PTPRD: variants seen among roughly 807,000 people sequenced by gnomAD.
The protein encoded by PTPRD is receptor-type tyrosine-protein phosphatase delta.
In PTPRD, 34 loss-of-function variants were observed where a neutral mutation model predicts 214.5. That is an observed-to-expected ratio of 0.16 (90% confidence interval 0.12 to 0.21). The LOEUF is 0.21. Among genes scored for constraint, PTPRD ranks in the 10% least tolerant of loss-of-function variants. The pLI, the probability that PTPRD is intolerant of heterozygous loss-of-function variation, is 1.00. For missense variants in PTPRD, 2,545 were observed against 2,398.7 expected, an observed-to-expected ratio of 1.06 and a Z score of -1.27; for synonymous variants, 1,128 against 845.7, an observed-to-expected ratio of 1.33 and a Z score of -5.79.
chr9:9,382,981 A>G (rs146532462), intron 9 of PTPRD, among the ~76,000 whole-genome samples: 1 of 152,256 alleles, frequency 6.6e-6, no homozygotes, highest in Non-Finnish European at 1.5e-5. Context: ...GCCTTATAAA[A>G]GAAGAAAATC....
chr9:8,435,700 TACACACACACACAC>T (rs3043782), intron 35 of PTPRD, among the ~76,000 whole-genome samples: 1 of 148,876 alleles, frequency 6.7e-6, no homozygotes. Context: ...AATATCCAAA[TACACACACACACAC>T]ACACACACAC....
At chr9:9,324,574 G>C in intron 9 of PTPRD, among the ~76,000 whole-genome samples, 1 of 152,132 alleles carries the variant, frequency 6.6e-6, no homozygotes, top group Non-Finnish European at 1.5e-5. Flanking sequence ...TAAGTTATTT[G>C]TAGATTCTGG....
At chr9:9,811,095 G>A (rs1471349419) in intron 5 of PTPRD, among the ~76,000 whole-genome samples, 2 of 151,982 alleles carry the variant, frequency 1.3e-5, no homozygotes, top group African/African-American at 4.8e-5. Context: ...AAAATTAGCT[G>A]GGCATGGTGG....
intron 11 of PTPRD, among the ~76,000 whole-genome samples, chr9:8,838,761 G>C (rs1370792022): frequency 6.6e-6 from 1 of 151,998 alleles, no homozygotes; most frequent in African/African-American, 2.4e-5. Flanking sequence ...AATACTTTCA[G>C]ATACTTCACC....
rs567600026 is a variant in PTPRD at position 8,376,610 on chromosome 9, G to A, written c.4503C>T (p.Tyr1501=). The A allele has an allele frequency of 1.2e-6, 2 of 1,612,772 alleles. No homozygotes were observed. Among genetic ancestry groups the A allele is most frequent in the East Asian group, 2.2e-5 (1 of 44,832 alleles). ...ATYCVRTFAL[Y]KNGSSEKREV... is the part of the protein sequence containing the mutation. ...GAGAAAAAGATGAAAAGCAAACCTT[G>A]TAAAGTGCAAATGTTCGAACACAAT... Residue 1501 remains tyrosine (Y), a synonymous_variant, in exon 38 of 46, where the codon TAC becomes TAT. Transcript: ENST00000381196.
At chr9:8,761,408 C>G (rs1368983) in intron 11 of PTPRD, among the ~76,000 whole-genome samples, 79,289 of 152,042 alleles carry the variant, frequency 0.52, 21,112 homozygotes, top group Middle Eastern at 0.61. Flanking sequence ...TATAACATTT[C>G]TTTGTGTGCT....
At chr9:9,159,547 G>T (rs2099884503) in intron 10 of PTPRD, among the ~76,000 whole-genome samples, 2 of 152,018 alleles carry the variant, frequency 1.3e-5, no homozygotes, top group Non-Finnish European at 2.9e-5. Context: ...ACTGAAGAAA[G>T]AAAGAAAAGA....
Position 9,643,976 on chromosome 9 carries a change from T to C in PTPRD, c.-286-69195A>G, listed in dbSNP as rs201465521. Among the ~76,000 whole-genome samples, 12 of 152,342 alleles carry C rather than the reference T, an allele frequency of 7.9e-5. 1 individual carries two copies. The East Asian group carries it at 1.7e-3, about 22-fold the overall frequency. ...TTACCATTGTACAAATTCTACTGTC[T>C]GCTTAGTAATGCTGCCAACATCATT... On this transcript the variant is annotated intron_variant, in intron 7 of 45. Coordinates refer to ENST00000381196, the MANE Select transcript of PTPRD (RefSeq NM_002839.4).
intron 3 of PTPRD, among the ~76,000 whole-genome samples, chr9:10,295,774 C>G (rs954234096): frequency 2.6e-5 from 4 of 152,034 alleles, no homozygotes; most frequent in African/African-American, 9.7e-5. Flanking sequence ...TGGGTCCAAT[C>G]TATTCACATG....
chr9:9,493,175 T>C (rs2095998752), intron 8 of PTPRD, among the ~76,000 whole-genome samples: 1 of 151,978 alleles, frequency 6.6e-6, no homozygotes, highest in African/African-American at 2.4e-5. Flanking sequence ...CATTTACCAT[T>C]CTGAAAATCC....
intron 28 of PTPRD, 83 bp from the exon 29 acceptor site, chr9:8,485,407 A>G (rs1419139902): frequency 1.1e-5 from 10 of 890,600 alleles, no homozygotes; most frequent in Non-Finnish European, 1.8e-5. Context: ...ATAGGGGCTT[A>G]TGCTAGATGC....
At chr9:8,922,724 G>A (rs373062796) in intron 11 of PTPRD, among the ~76,000 whole-genome samples, 5 of 151,978 alleles carry the variant, frequency 3.3e-5, no homozygotes, top group African/African-American at 9.7e-5. Flanking sequence ...TCAGCTCACC[G>A]CAACATCCGC....
At chr9:10,549,040 T>C (rs2060748996) in intron 2 of PTPRD, among the ~76,000 whole-genome samples, 1 of 152,216 alleles carries the variant, frequency 6.6e-6, no homozygotes, top group Admixed American at 6.5e-5. Flanking sequence ...GTTTAAATTT[T>C]GTGGTTTTGT....
intron 9 of PTPRD, among the ~76,000 whole-genome samples, chr9:9,341,140 A>C (rs1460845156): frequency 6.9e-6 from 1 of 145,682 alleles, no homozygotes; most frequent in South Asian, 2.2e-4. Context: ...ATATATATAT[A>C]TCACAAAATA....
chr9:9,411,068 G>A (rs2075269277), intron 8 of PTPRD, among the ~76,000 whole-genome samples: 1 of 151,754 alleles, frequency 6.6e-6, no homozygotes, highest in Non-Finnish European at 1.5e-5. Flanking sequence ...TGTGTGTGTT[G>A]GACTAGAAAA....
chr9:8,747,033 G>A (rs2092901527), intron 11 of PTPRD, among the ~76,000 whole-genome samples: 1 of 152,150 alleles, frequency 6.6e-6, no homozygotes, highest in South Asian at 2.1e-4. Context: ...GTTATCTGGT[G>A]CAGGATCAAG....
chr9:9,080,706 A>T (rs1321886741), intron 10 of PTPRD, among the ~76,000 whole-genome samples: 1 of 151,964 alleles, frequency 6.6e-6, no homozygotes, highest in African/African-American at 2.4e-5. Flanking sequence ...CATTGTTTTA[A>T]AAAGCAAATG....
chr9:8,463,864 C>T (rs1388536992), intron 32 of PTPRD, among the ~76,000 whole-genome samples: 2 of 151,886 alleles, frequency 1.3e-5, no homozygotes, highest in Non-Finnish European at 2.9e-5. Context: ...GAGGCTTACA[C>T]AAAGGCTTTA....
At chr9:9,458,464 G>T (rs958484295) in intron 8 of PTPRD, among the ~76,000 whole-genome samples, 1 of 151,924 alleles carries the variant, frequency 6.6e-6, no homozygotes, top group Non-Finnish European at 1.5e-5. Context: ...GGCTAACTTT[G>T]TATAATGAGT....
Sources: gnomAD v4.1 joint callset for allele counts (sites outside exome capture counted in the v4.1 genomes callset) on GRCh38, gnomAD v4.1.1 for gene constraint, MANE v1.5 for transcripts, NCBI Gene and HGNC (gene_info 2026-07-23, HGNC 2026-07-21) for gene names.